Variants in TBC1D19 observed in about 807,000 individuals in gnomAD.
The protein encoded by TBC1D19 is TBC1 domain family member 19, also known as TBC1 domain family, member 19.
In TBC1D19, 60 loss-of-function variants were observed where a neutral mutation model predicts 89.0. That is an observed-to-expected ratio of 0.67 (90% CI 0.55 to 0.84). The LOEUF (loss-of-function observed/expected upper bound fraction) is 0.84. Among genes scored for constraint, TBC1D19 ranks in the 40% least tolerant of loss-of-function variants. The pLI is 0.00. For synonymous variants in TBC1D19, 189 were observed against 199.7 expected (o/e 0.95, Z 0.45); for missense variants, 500 against 610.8 (o/e 0.82, Z 1.91).
chr4:26,627,132 A>G lies in TBC1D19; in HGVS notation c.294+6444A>G, dbSNP rs1421019249. Among the ~76,000 whole-genome samples the G allele has an allele frequency of 1.3e-5, 2 of 151,696 alleles. 1 individual carries two copies. Among genetic ancestry groups the G allele is most frequent in the South Asian group, 4.2e-4 (2 of 4,804 alleles). ...TCAATTCCCACCTATGAGTGAGAACATGCGGTGTTTGGTTTTTTGTCCTTG... is the reference window on the plus strand; with the variant it reads ...TCAATTCCCACCTATGAGTGAGAACGTGCGGTGTTTGGTTTTTTGTCCTTG... On this transcript the variant is annotated intron_variant, in intron 4 of 20. Transcript: ENST00000264866.
chr4:26,723,287 C>G (rs576993346), intron 15 of TBC1D19, among the ~76,000 whole-genome samples: 40 of 152,130 alleles, frequency 2.6e-4, no homozygotes, highest in African/African-American at 9.6e-4. Context: ...TAACTCAAGG[C>G]AATACTTAGC....
chr4:26,691,415 G>A (rs77978544), intron 13 of TBC1D19, among the ~76,000 whole-genome samples: 3,889 of 152,232 alleles, frequency 0.026, 145 homozygotes, highest in East Asian at 0.18. Context: ...TTTTGTGAAA[G>A]GAAGAGTCTA....
upstream of TBC1D19, among the ~76,000 whole-genome samples, chr4:26,581,769 G>T (rs1250066091): frequency 6.6e-6 from 1 of 152,068 alleles, no homozygotes; most frequent in Non-Finnish European, 1.5e-5. Context: ...TAATTCCTTT[G>T]GGACTGAAAT....
At chr4:26,669,932 G>T (rs2109101428) in intron 9 of TBC1D19, among the ~76,000 whole-genome samples, 1 of 151,806 alleles carries the variant, frequency 6.6e-6, no homozygotes, top group South Asian at 2.1e-4. Context: ...GAATCGAGTT[G>T]TTATGGGCAG....
intron 1 of TBC1D19, 38 bp from the exon 2 acceptor site, chr4:26,613,131 T>G (rs1403804744): frequency 7.4e-7 from 1 of 1,349,386 alleles, no homozygotes; most frequent in East Asian, 2.6e-5. Flanking sequence ...ATCTTTTCCT[T>G]CCTTATCTTT....
chr4:26,683,605 T>G, intron 11 of TBC1D19, 70 bp from the exon 12 acceptor site: 2 of 1,230,696 alleles, frequency 1.6e-6, no homozygotes, highest in Non-Finnish European at 2.3e-6. Flanking sequence ...ATACTATTAT[T>G]ATTTGAGTTT....
chr4:26,707,147 C>T (rs531727503), intron 13 of TBC1D19, among the ~76,000 whole-genome samples: 1 of 151,906 alleles, frequency 6.6e-6, no homozygotes, highest in East Asian at 1.9e-4. Flanking sequence ...TATTGAAGTC[C>T]ACTGTTACAC....
chr4:26,771,970 A>AT, the TBC1D19 span, among the ~76,000 whole-genome samples: 1 of 152,230 alleles, frequency 6.6e-6, no homozygotes, highest in East Asian at 1.9e-4. Context: ...TGCAGTCAGT[A>AT]TAATTAGTAA....
chr4:26,696,175 A>G (rs1714760204), intron 13 of TBC1D19, among the ~76,000 whole-genome samples: 1 of 152,240 alleles, frequency 6.6e-6, no homozygotes, highest in African/African-American at 2.4e-5. Context: ...TCTACCAAGC[A>G]AATGGACAAC....
chr4:26,597,150 T>G (rs1271414906), intron 1 of TBC1D19, among the ~76,000 whole-genome samples: 1 of 152,240 alleles, frequency 6.6e-6, no homozygotes, highest in Non-Finnish European at 1.5e-5. Flanking sequence ...CATCAGCTAT[T>G]AAAATAAATA....
At chr4:26,783,814 T>C in the TBC1D19 span, among the ~76,000 whole-genome samples, 1 of 152,170 alleles carries the variant, frequency 6.6e-6, no homozygotes, top group Non-Finnish European at 1.5e-5. Context: ...CTGCTCATAA[T>C]TCCCCTACAA....
At chr4:26,691,667 G>A (rs1369861020) in intron 13 of TBC1D19, among the ~76,000 whole-genome samples, 2 of 152,060 alleles carry the variant, frequency 1.3e-5, no homozygotes, top group Non-Finnish European at 2.9e-5. Context: ...ATAGACTATA[G>A]TGTAGTATAA....
At chr4:26,778,046 C>A in the TBC1D19 span, among the ~76,000 whole-genome samples, 1 of 149,762 alleles carries the variant, frequency 6.7e-6, no homozygotes, top group Non-Finnish European at 1.5e-5. Flanking sequence ...CAGAGCAGGG[C>A]CCTGTAAGAA....
Position 26,637,225 on chromosome 4 carries a change from A to G in TBC1D19, c.309A>G (p.Lys103=). The G allele has an allele frequency of 6.2e-7, 1 of 1,607,426 alleles. No homozygotes were observed. The highest frequency in any genetic ancestry group is 8.5e-7 in the Non-Finnish European group (1 of 1,176,558). The change falls in exon 5 of 21, where the codon AAA becomes AAG. Residue 103 remains lysine (K), a synonymous_variant. Transcript: ENST00000264866. ...TTATGTTTCAGGGAAGTTGGGAAAA[A>G]AGAATTTTGAAGAGTTTAAATAGTA... is the stretch of plus-strand genomic sequence containing the variant. ...YMRKAQGSWE[K]RILKSLNSMC...
chr4:26,772,829 C>T, the TBC1D19 span, among the ~76,000 whole-genome samples: 225 of 152,218 alleles, frequency 1.5e-3, 2 homozygotes, highest in African/African-American at 5.2e-3. Context: ...CTTTCCATGG[C>T]GTATATGTGC....
chr4:26,639,972 T>C (rs371663779), intron 6 of TBC1D19, among the ~76,000 whole-genome samples, 169 bp from the exon 7 acceptor site: 8 of 152,196 alleles, frequency 5.3e-5, no homozygotes, highest in African/African-American at 1.7e-4. Context: ...AGGGCAGAAA[T>C]TGTCTTTTCA....
chr4:26,690,385 G>A lies in TBC1D19; in HGVS notation c.954+1978G>A, dbSNP rs541626875. 2.6e-5 allele frequency among the ~76,000 whole-genome samples: 4 copies of A among 152,322 alleles called. No homozygotes were observed. The South Asian group carries it at 8.3e-4, about 32-fold the overall frequency. On this transcript the variant is annotated intron_variant, in intron 13 of 20. Coordinates refer to ENST00000264866, the MANE Select transcript of TBC1D19 (RefSeq NM_018317.4). Reference sequence around the variant, plus strand: ...TTAAAGGTGGCTACACTAAACAACAGATTTTTCAGTGTAGATGAAACAGCT... The same window carrying A: ...TTAAAGGTGGCTACACTAAACAACAAATTTTTCAGTGTAGATGAAACAGCT...
chr4:26,604,831 A>G (rs533923545), intron 1 of TBC1D19, among the ~76,000 whole-genome samples: 55 of 152,120 alleles, frequency 3.6e-4, no homozygotes, highest in Non-Finnish European at 2.2e-4. Flanking sequence ...CAGTGAGCAG[A>G]GATCATCGCG....
chr4:26,755,736 G>A lies in TBC1D19; in HGVS notation c.*789G>A. ...CAAGGAAGACACCCAAGAGAATGAG[G>A]AGTCAAAACCCCATTCACTTTTGCT... On this transcript the variant is annotated 3_prime_UTR_variant, in exon 21 of 21. Coordinates refer to ENST00000264866, the MANE Select transcript of TBC1D19 (RefSeq NM_018317.4). Among the ~76,000 whole-genome samples, 1 of 152,158 alleles carries A rather than the reference G, an allele frequency of 6.6e-6. No homozygotes were observed. The highest frequency in any genetic ancestry group is 1.5e-5 in the Non-Finnish European group (1 of 68,008).
Sources: allele counts gnomAD v4.1 joint callset (sites outside exome capture counted in the v4.1 genomes callset), GRCh38; gene constraint gnomAD v4.1.1; transcripts MANE v1.5; gene names NCBI Gene and HGNC (gene_info 2026-07-23, HGNC 2026-07-21).